MDGA2: variants seen among roughly 807,000 people sequenced by gnomAD.
MDGA2 encodes MAM domain-containing glycosylphosphatidylinositol anchor protein 2.
Under a neutral mutation model 117.8 loss-of-function variants are expected in MDGA2, and 40 were observed. The observed-to-expected ratio is 0.34, with a 90% confidence interval of 0.26 to 0.44. The LOEUF is 0.44. Among genes scored for constraint, MDGA2 ranks in the 20% least tolerant of loss-of-function variants. The probability of loss-of-function intolerance (pLI) is 1.00; values close to 1 mark genes in which losing one functional copy is unlikely to be tolerated. For missense variants in MDGA2, 1,123 were observed against 1,250.6 expected (o/e 0.90, Z 1.54); for synonymous variants, 452 against 439.0 (o/e 1.03, Z -0.37).
intron 14 of MDGA2, among the ~76,000 whole-genome samples, chr14:46,860,611 A>T (rs929899060): frequency 2.0e-5 from 3 of 151,988 alleles, no homozygotes; most frequent in African/African-American, 7.2e-5. Context: ...AAAGAATCTC[A>T]AACTTGTCTT....
intron 8 of MDGA2, among the ~76,000 whole-genome samples, chr14:47,029,242 G>C (rs1594543902): frequency 6.6e-6 from 1 of 152,028 alleles, no homozygotes; most frequent in Admixed American, 6.6e-5. Context: ...TTGAGAAAAA[G>C]CCTCAAAAAT....
At chr14:47,155,221 G>C (rs530144793) in intron 3 of MDGA2, among the ~76,000 whole-genome samples, 3 of 152,218 alleles carry the variant, frequency 2.0e-5, no homozygotes, top group African/African-American at 7.2e-5. Context: ...CCTTGCTCAC[G>C]CCTGTAGTTG....
chr14:47,343,039 A>T, intron 1 of MDGA2: 1 of 1,283,548 alleles, frequency 7.8e-7, no homozygotes, highest in South Asian at 1.2e-5. Flanking sequence ...AGCAGGCAGC[A>T]CTACCGTGAG....
chr14:47,338,620 T>C lies in MDGA2; in HGVS notation c.281-37070A>G, dbSNP rs145193984. On this transcript the variant is annotated intron_variant, in intron 1 of 16. Transcript: ENST00000399232. The stretch of plus-strand genomic sequence containing the variant: ...GGTTGGTGAAGAGTGGTAGCCATTT[T>C]AGTCAATCCGTCAAGTTAAGAATTC... Among the ~76,000 whole-genome samples, 551 of 152,194 alleles carry C rather than the reference T, an allele frequency of 3.6e-3. 2 individuals carry two copies. The highest frequency in any genetic ancestry group is 0.013 in the African/African-American group (528 of 41,544).
intron 1 of MDGA2, among the ~76,000 whole-genome samples, chr14:47,389,875 G>A (rs1034799648): frequency 1.3e-5 from 2 of 152,136 alleles, no homozygotes; most frequent in African/African-American, 4.8e-5. Flanking sequence ...TAGAGCCAAA[G>A]GACTTTAAAA....
In MDGA2 at chr14:46,951,542, C is replaced by T. The variant is rs368699485; in HGVS notation, c.2089+5832G>A. Among the ~76,000 whole-genome samples the T allele has an allele frequency of 1.2e-3, 179 of 152,066 alleles. 1 individual carries two copies. Among genetic ancestry groups the T allele is most frequent in the African/African-American group, 4.1e-3 (170 of 41,526 alleles). The stretch of plus-strand genomic sequence containing the variant: ...TTCTTGTGGGTTTGAAATAAGTAGT[C>T]ACTTTTGAGAAGCCCATGGGACAAA... On this transcript the variant is annotated intron_variant, in intron 9 of 16. Transcript: ENST00000399232.
At chr14:47,635,304 C>G (rs1897304265) in intron 1 of MDGA2, among the ~76,000 whole-genome samples, 1 of 152,046 alleles carries the variant, frequency 6.6e-6, no homozygotes, top group Non-Finnish European at 1.5e-5. Context: ...AGGTTCATCA[C>G]TAATAAAATC....
At chr14:47,142,001 C>A (rs1566647918) in intron 4 of MDGA2, among the ~76,000 whole-genome samples, 1 of 152,022 alleles carries the variant, frequency 6.6e-6, no homozygotes, top group African/African-American at 2.4e-5. Context: ...TGGACAATTA[C>A]AATGTATCAA....
At chr14:47,175,904 T>G (rs1018493777) in intron 3 of MDGA2, among the ~76,000 whole-genome samples, 1 of 152,042 alleles carries the variant, frequency 6.6e-6, no homozygotes, top group Non-Finnish European at 1.5e-5. Context: ...GAAAACCCCA[T>G]CGCCTCAGCC....
intron 1 of MDGA2, among the ~76,000 whole-genome samples, chr14:47,461,743 G>A (rs1893491424): frequency 6.6e-6 from 1 of 152,106 alleles, no homozygotes; most frequent in South Asian, 2.1e-4. Flanking sequence ...AAAGAACTGA[G>A]CAACATATGA....
chr14:47,348,594 C>T (rs1209311959), intron 1 of MDGA2, among the ~76,000 whole-genome samples: 2 of 151,778 alleles, frequency 1.3e-5, no homozygotes, highest in East Asian at 1.9e-4. Flanking sequence ...GATAGTTTCT[C>T]GAGAAGGCAA....
chr14:47,410,512 T>C (rs938413796), intron 1 of MDGA2, among the ~76,000 whole-genome samples: 1 of 152,170 alleles, frequency 6.6e-6, no homozygotes, highest in East Asian at 1.9e-4. Flanking sequence ...AACAAACTTA[T>C]AACAAGTGAT....
At chr14:47,395,595 G>A (rs1333830827) in intron 1 of MDGA2, among the ~76,000 whole-genome samples, 4 of 152,134 alleles carry the variant, frequency 2.6e-5, no homozygotes, top group Middle Eastern at 3.4e-3. Flanking sequence ...CTTGATTTTT[G>A]AGAGTTACAA....
intron 2 of MDGA2, among the ~76,000 whole-genome samples, chr14:47,265,872 C>T (rs7151166): frequency 0.22 from 33,481 of 151,874 alleles, 4,672 homozygotes; most frequent in East Asian, 0.45. Flanking sequence ...CTCTTCAGAC[C>T]TTTAAAAAGC....
chr14:47,606,960 G>A (rs781664916), intron 1 of MDGA2, among the ~76,000 whole-genome samples: 5 of 152,052 alleles, frequency 3.3e-5, no homozygotes, highest in Non-Finnish European at 5.9e-5. Flanking sequence ...GAAAACACAC[G>A]CACTGGTGTA....
At chr14:47,426,045 A>T (rs1422430413) in intron 1 of MDGA2, among the ~76,000 whole-genome samples, 2 of 152,002 alleles carry the variant, frequency 1.3e-5, no homozygotes, top group Admixed American at 1.3e-4. Context: ...TCTCTGACTT[A>T]CACAGCCCGG....
chr14:46,951,533 A>G (rs1885370219), intron 9 of MDGA2, among the ~76,000 whole-genome samples: 2 of 152,020 alleles, frequency 1.3e-5, no homozygotes, highest in South Asian at 2.1e-4. Flanking sequence ...TGGGTTTGAA[A>G]TAAGTAGTCA....
chr14:47,373,633 G>C (rs917689207), intron 1 of MDGA2, among the ~76,000 whole-genome samples: 2 of 152,028 alleles, frequency 1.3e-5, no homozygotes, highest in African/African-American at 4.8e-5. Context: ...GTCAGGGGTT[G>C]GCTAGGGCTG....
chr14:46,969,055 C>G (rs1369741544), intron 8 of MDGA2, among the ~76,000 whole-genome samples: 1 of 152,090 alleles, frequency 6.6e-6, no homozygotes, highest in Non-Finnish European at 1.5e-5. Context: ...CAGTTTCATC[C>G]ATGTCCCTAC....
Sources: allele counts gnomAD v4.1 joint callset (sites outside exome capture counted in the v4.1 genomes callset), GRCh38; gene constraint gnomAD v4.1.1; transcripts MANE v1.5; gene names NCBI Gene and HGNC (gene_info 2026-07-23, HGNC 2026-07-21).